LRRTM4: variants seen among roughly 807,000 people sequenced by gnomAD.
LRRTM4 encodes the protein leucine rich repeat transmembrane neuronal 4.
In LRRTM4, 25 loss-of-function variants were observed where a neutral mutation model predicts 47.6. The ratio of observed to expected loss-of-function variants is 0.53; its 90% CI spans 0.38 to 0.73. The LOEUF (loss-of-function observed/expected upper bound fraction) is 0.73. Ranked by LOEUF, LRRTM4 falls within the 30% of genes least tolerant of loss-of-function variation. LRRTM4 has a pLI of 0.00. For missense variants in LRRTM4, 638 were observed against 713.4 expected, an observed-to-expected ratio of 0.89 and a Z score of 1.20; for synonymous variants, 311 against 269.5, an observed-to-expected ratio of 1.15 and a Z score of -1.51.
intron 3 of LRRTM4, among the ~76,000 whole-genome samples, chr2:77,380,759 G>A (rs140620782): frequency 0.017 from 2,632 of 151,170 alleles, 62 homozygotes; most frequent in African/African-American, 0.056. Flanking sequence ...TCACACCACC[G>A]CACTCCAGCC....
At chr2:77,015,570 C>T (rs1272348667) in intron 3 of LRRTM4, among the ~76,000 whole-genome samples, 2 of 152,002 alleles carry the variant, frequency 1.3e-5, no homozygotes, top group Non-Finnish European at 1.5e-5. Flanking sequence ...GTGATCCACC[C>T]GCCTTGGCCT....
At chr2:77,375,998 A>G (rs1413774680) in intron 3 of LRRTM4, among the ~76,000 whole-genome samples, 1 of 151,862 alleles carries the variant, frequency 6.6e-6, no homozygotes, top group Admixed American at 6.6e-5. Context: ...AAATAGAATC[A>G]TGCAGTACTT....
chr2:76,796,012 G>A (rs1675292312), intron 3 of LRRTM4, among the ~76,000 whole-genome samples: 2 of 136,290 alleles, frequency 1.5e-5, no homozygotes, highest in South Asian at 2.5e-4. Flanking sequence ...GGAAGCGCAA[G>A]GGGTCACGGA....
intron 3 of LRRTM4, among the ~76,000 whole-genome samples, chr2:77,045,075 G>A (rs372731122): frequency 6.6e-6 from 1 of 151,828 alleles, no homozygotes; most frequent in African/African-American, 2.4e-5. Context: ...TTTACATAAA[G>A]AGGTAATATG....
chr2:77,167,952 A>C (rs1672935975), intron 3 of LRRTM4, among the ~76,000 whole-genome samples: 1 of 152,182 alleles, frequency 6.6e-6, no homozygotes, highest in South Asian at 2.1e-4. Context: ...AAGTATAATG[A>C]TAATAAAGAA....
intron 3 of LRRTM4, among the ~76,000 whole-genome samples, chr2:77,433,746 C>T (rs1675478236): frequency 1.3e-5 from 2 of 152,090 alleles, no homozygotes; most frequent in Admixed American, 1.3e-4. Flanking sequence ...GAAGTCCTAA[C>T]ACAAACAACA....
intron 3 of LRRTM4, among the ~76,000 whole-genome samples, chr2:77,148,451 A>G (rs1235958030): frequency 6.6e-6 from 1 of 152,154 alleles, no homozygotes; most frequent in East Asian, 1.9e-4. Context: ...ATAACTAGAT[A>G]TACAACTAGT....
intron 3 of LRRTM4, among the ~76,000 whole-genome samples, chr2:77,044,289 A>G (rs1256478855): frequency 6.6e-6 from 1 of 151,742 alleles, no homozygotes; most frequent in African/African-American, 2.4e-5. Context: ...TTAAACATAC[A>G]CTACTTAAAA....
At chr2:77,448,621 T>C (rs1241950634) in intron 3 of LRRTM4, among the ~76,000 whole-genome samples, 2 of 151,548 alleles carry the variant, frequency 1.3e-5, no homozygotes, top group African/African-American at 2.4e-5. Flanking sequence ...CTTCTTTAGG[T>C]CCATTTTCGC....
At chr2:77,135,100 T>C (rs1233321914) in intron 3 of LRRTM4, among the ~76,000 whole-genome samples, 1 of 152,192 alleles carries the variant, frequency 6.6e-6, no homozygotes. Context: ...TATGGACGGA[T>C]GAAAACATTC....
At chr2:77,234,963 A>T (rs1312074207) in intron 3 of LRRTM4, among the ~76,000 whole-genome samples, 1 of 152,136 alleles carries the variant, frequency 6.6e-6, no homozygotes, top group Non-Finnish European at 1.5e-5. Flanking sequence ...GCTCCTGCTT[A>T]TAAGTGATAA....
At chr2:77,016,589 C>A (rs1167060339) in intron 3 of LRRTM4, among the ~76,000 whole-genome samples, 2 of 152,030 alleles carry the variant, frequency 1.3e-5, no homozygotes, top group African/African-American at 4.8e-5. Context: ...AGCTGGACTG[C>A]TTGAATTGCC....
chr2:77,030,351 T>G (rs934581879), intron 3 of LRRTM4, among the ~76,000 whole-genome samples: 1 of 152,146 alleles, frequency 6.6e-6, no homozygotes, highest in African/African-American at 2.4e-5. Flanking sequence ...GGAGAATCGC[T>G]TGAACTGGGA....
At chr2:77,075,832 G>A (rs944058616) in intron 3 of LRRTM4, among the ~76,000 whole-genome samples, 1 of 139,968 alleles carries the variant, frequency 7.1e-6, no homozygotes, top group African/African-American at 2.7e-5. Flanking sequence ...GGAGAATGGC[G>A]TGAACCCGGG....
chr2:77,495,412 A>G (rs1040598064), intron 3 of LRRTM4, among the ~76,000 whole-genome samples: 3 of 152,008 alleles, frequency 2.0e-5, no homozygotes, highest in Non-Finnish European at 2.9e-5. Flanking sequence ...AGTCCAGTTT[A>G]TCGCTTTGTT....
intron 3 of LRRTM4, among the ~76,000 whole-genome samples, chr2:76,863,518 C>A (rs1300688913): frequency 6.6e-6 from 1 of 152,060 alleles, no homozygotes; most frequent in Admixed American, 6.6e-5. Context: ...TCCTCAAGGT[C>A]ACATAGCTAG....
intron 3 of LRRTM4, among the ~76,000 whole-genome samples, chr2:77,080,612 G>A (rs1209208696): frequency 6.6e-6 from 1 of 151,904 alleles, no homozygotes; most frequent in African/African-American, 2.4e-5. Flanking sequence ...GTCTCCAGTG[G>A]TTCAAACTAA....
chr2:77,349,546 G>A (rs567836111), intron 3 of LRRTM4, among the ~76,000 whole-genome samples: 31 of 151,918 alleles, frequency 2.0e-4, no homozygotes, highest in African/African-American at 2.2e-4. Context: ...TTTTGTTGTC[G>A]TTTGTTTTTT....
intron 3 of LRRTM4, among the ~76,000 whole-genome samples, chr2:76,934,272 TTATCAGACAGTTAAAC>T (rs1356635348): frequency 6.6e-6 from 1 of 152,174 alleles, no homozygotes. Context: ...ATGTATAACT[TTATCAGACAGTTAAAC>T]TATTAAAAGG....
Sources: gnomAD v4.1 joint callset for allele counts (sites outside exome capture counted in the v4.1 genomes callset) on GRCh38, gnomAD v4.1.1 for gene constraint, MANE v1.5 for transcripts, NCBI Gene and HGNC (gene_info 2026-07-23, HGNC 2026-07-21) for gene names.